Variants in TUBA8 observed in about 807,000 individuals in gnomAD.
TUBA8 encodes tubulin alpha-8 chain.
TUBA8 carries 29 observed loss-of-function variants against 34.7 expected under a neutral mutation model. The observed-to-expected ratio is 0.84, with a 90% CI of 0.62 to 1.14. TUBA8 has a LOEUF of 1.14. Ranked by LOEUF, TUBA8 falls within the 50% of genes most tolerant of loss-of-function variation. The pLI is 0.00. For synonymous variants in TUBA8, 226 were observed against 231.2 expected, an observed-to-expected ratio of 0.98 and a Z score of 0.21; for missense variants, 541 against 599.2, an observed-to-expected ratio of 0.90 and a Z score of 1.01.
Position 18,131,076 on chromosome 22 carries a change from G to A in TUBA8, c.1290G>A (p.Lys430=). The stretch of plus-strand genomic sequence containing the variant: ...GGGAAGACTTAGCTGCCCTGGAGAA[G>A]GATTATGAAGAAGTGGGGACTGATT... ...EAREDLAALE[K]DYEEVGTDSF... Residue 430 remains lysine (K), a synonymous_variant, in exon 5 of 5, where the codon AAG becomes AAA. Transcript: ENST00000330423. The surrounding 1 kb of genome is among the most constrained non-coding windows in gnomAD (Gnocchi z 5.3). 2.5e-6 allele frequency: 4 copies of A among 1,614,208 alleles called. No homozygotes were observed. The highest frequency in any genetic ancestry group is 3.4e-6 in the Non-Finnish European group (4 of 1,180,042).
At chr22:18,116,287 G>A (rs1489816041) in intron 1 of TUBA8, 2 of 152,204 alleles carry the variant, frequency 1.3e-5, no homozygotes, top group South Asian at 2.1e-4. Context: ...TCTGCTATCC[G>A]AACTTGGTCT....
At position 18,124,912 on chromosome 22, in the gene TUBA8, G is replaced by A. The variant is rs1364948404; in HGVS notation, c.375+608G>A. 1 of 152,734 alleles carries A rather than the reference G, an allele frequency of 6.5e-6. No homozygotes were observed. The highest frequency in any genetic ancestry group is 2.4e-5 in the African/African-American group (1 of 41,430). 9.5% of individuals were successfully genotyped at this position (152,734 alleles called of 1,614,324 possible). A position where few individuals can be genotyped will look rare whatever the true frequency, so the allele number is the denominator to read the frequency against. On this transcript the variant is annotated intron_variant, in intron 3 of 4. Coordinates refer to ENST00000330423, the MANE Select transcript of TUBA8 (RefSeq NM_018943.3). The surrounding 1 kb of genome is among the most constrained non-coding windows in gnomAD (Gnocchi z 4.3). ...TATTTAAGCTTCCATTTGCTTATCT[G>A]TATAATGGAAAAGCTTGGACCTGAT... is the stretch of plus-strand genomic sequence containing the variant.
intron 1 of TUBA8, chr22:18,117,073 CTCTG>C (rs1345391090): frequency 6.6e-6 from 1 of 152,252 alleles, no homozygotes; most frequent in African/African-American, 2.4e-5. Context: ...CCTATTCTTT[CTCTG>C]TCTTCTTTAT....
intron 2 of TUBA8, chr22:18,123,850 C>T (rs895876638): frequency 2.6e-6 from 1 of 387,290 alleles, no homozygotes; most frequent in Non-Finnish European, 5.0e-6. Flanking sequence ...GTTAGGATTA[C>T]AGGCGTGAGC....
At position 18,119,323 on chromosome 22, in the gene TUBA8, G is replaced by A. The variant is rs1372044271; in HGVS notation, c.4-2156G>A. On this transcript the variant is annotated intron_variant, in intron 1 of 4. Transcript: ENST00000330423. The surrounding 1 kb of genome is among the most constrained non-coding windows in gnomAD (Gnocchi z 5.9). ...AGAGAATAGACCCCACAATAAAGGAGAGAGGAGCAGGGACCTGAGAGCTCC... is the reference window on the plus strand; with the variant it reads ...AGAGAATAGACCCCACAATAAAGGAAAGAGGAGCAGGGACCTGAGAGCTCC... The A allele has an allele frequency of 1.3e-5, 2 of 152,240 alleles. No individual in the cohort carries two copies. The highest frequency in any genetic ancestry group is 2.9e-5 in the Non-Finnish European group (2 of 68,056). 9.4% of individuals were successfully genotyped at this position (152,240 alleles called of 1,614,324 possible). A position where few individuals can be genotyped will look rare whatever the true frequency, so the allele number is the denominator to read the frequency against.
At position 18,121,409 on chromosome 22, in the gene TUBA8, ATGGGGATGTAGGGCAAAGGCATGC is replaced by A. The variant is rs767387884; in HGVS notation, c.4-64_4-41del. On this transcript the variant is annotated intron_variant, in intron 1 of 4. Coordinates refer to ENST00000330423, the MANE Select transcript of TUBA8 (RefSeq NM_018943.3). The surrounding 1 kb of genome is among the most constrained non-coding windows in gnomAD (Gnocchi z 4.8). ...CTGGCTGGCCTGCAAGGTGAATGTT[ATGGGGATGTAGGGCAAAGGCATGC>A]TGGGGGCCCAGACTCTCTGACCTCG... 7.2e-7 allele frequency: 1 copy of A among 1,393,208 alleles called. No individual in the cohort carries two copies. The allele number at this position is 1,393,208 out of a possible 1,614,324, so 86.3% of individuals were successfully genotyped here. A position where few individuals can be genotyped will look rare whatever the true frequency, so the allele number is the denominator to read the frequency against.
chr22:18,127,087 G>A lies in TUBA8; in HGVS notation c.1056+53G>A, dbSNP rs361776. The A allele has an allele frequency of 0.08, 128,210 of 1,598,698 alleles. 9,750 individuals carry two copies. The highest frequency in any genetic ancestry group is 0.36 in the East Asian group (16,289 of 44,768). On this transcript the variant is annotated intron_variant, in intron 4 of 4. Coordinates refer to ENST00000330423, the MANE Select transcript of TUBA8 (RefSeq NM_018943.3). The stretch of plus-strand genomic sequence containing the variant: ...GAGAGGACTAGAGAAGCAGAGGGAG[G>A]TGACCAAGGATATGCAATTCCATGG...
At position 18,118,128 on chromosome 22, in the gene TUBA8, C is replaced by T. The variant is rs1928032736; in HGVS notation, c.4-3351C>T. 6.6e-6 allele frequency: 1 copy of T among 152,182 alleles called. No individual in the cohort carries two copies. Among genetic ancestry groups the T allele is most frequent in the Admixed American group, 6.5e-5 (1 of 15,276 alleles). 9.4% of individuals were successfully genotyped at this position (152,182 alleles called of 1,614,324 possible). A position where few individuals can be genotyped will look rare whatever the true frequency, so the allele number is the denominator to read the frequency against. Reference sequence around the variant, plus strand: ...GTTACGTCCCCCCTTGTGACTATAACAGTGGTTCTTTGGCTCTCGGCGAAG... The same window carrying T: ...GTTACGTCCCCCCTTGTGACTATAATAGTGGTTCTTTGGCTCTCGGCGAAG... On this transcript the variant is annotated intron_variant, in intron 1 of 4. Transcript: ENST00000330423. This position sits in a 1 kb window ranked among gnomAD's most constrained non-coding sequence, Gnocchi z 4.0.
intron 4 of TUBA8, chr22:18,127,263 A>C: frequency 1.8e-6 from 1 of 542,132 alleles, no homozygotes; most frequent in Non-Finnish European, 3.3e-6. Context: ...TAAATTGATT[A>C]ATTGGTTAAT....
At chr22:18,130,632 G>A in intron 4 of TUBA8, 1 of 593,330 alleles carries the variant, frequency 1.7e-6, no homozygotes, top group Non-Finnish European at 2.9e-6. Flanking sequence ...TTGCTCTGTT[G>A]CCCTGCCTGC....
Position 18,126,597 on chromosome 22 carries a change from GA to G in TUBA8, c.621del (p.Ala208ProfsTer84), listed in dbSNP as rs1928330620. The G allele has an allele frequency of 6.2e-7, 1 of 1,614,114 alleles. No individual in the cohort carries two copies. The highest frequency in any genetic ancestry group is 8.5e-7 in the Non-Finnish European group (1 of 1,180,038). ...HSDCAFMVDN[E>X]AIYDICRRNL... ...AGATTGTGCTTTCATGGTGGACAAC[GA>G]AGCCATCTATGACATCTGCCGCAGG... On this transcript the variant is annotated frameshift_variant, in exon 4 of 5. Transcript: ENST00000330423. LOFTEE classifies it high-confidence loss of function. This position sits in a 1 kb window ranked among gnomAD's most constrained non-coding sequence, Gnocchi z 4.0.
intron 4 of TUBA8, chr22:18,130,351 C>G (rs1928454896): frequency 5.9e-6 from 1 of 170,436 alleles, no homozygotes; most frequent in African/African-American, 2.4e-5. Context: ...TGCCTACTTG[C>G]TGAGCCCCCT....
chr22:18,126,140 G>T lies in TUBA8; in HGVS notation c.376-214G>T. On this transcript the variant is annotated intron_variant, in intron 3 of 4. Transcript: ENST00000330423. The surrounding 1 kb of genome is among the most constrained non-coding windows in gnomAD (Gnocchi z 4.0). The stretch of plus-strand genomic sequence containing the variant: ...AGCTTCCCAAACTGCTGGGATTACA[G>T]GCATTGAGTCACTGTGCCTGGCCCC... The T allele has an allele frequency of 1.7e-6, 1 of 586,424 alleles. No homozygotes were observed. Among genetic ancestry groups the T allele is most frequent in the Non-Finnish European group, 3.0e-6 (1 of 330,926 alleles). 36.3% of individuals were successfully genotyped at this position (586,424 alleles called of 1,614,324 possible).
At chr22:18,117,250 T>G (rs907697909) in intron 1 of TUBA8, 2 of 152,222 alleles carry the variant, frequency 1.3e-5, no homozygotes, top group Non-Finnish European at 2.9e-5. Context: ...CATGACATTT[T>G]ACCTCTAAAT....
chr22:18,127,389 G>GTTTTTTTTTTTTT (rs1467174410), intron 4 of TUBA8: 1 of 173,894 alleles, frequency 5.8e-6, no homozygotes, highest in African/African-American at 2.5e-5. Context: ...CCTAACGTTA[G>GTTTTTTTTTTTTT]TTTTGTTTTT....
chr22:18,127,011 G>A lies in TUBA8; in HGVS notation c.1033G>A (p.Asp345Asn), dbSNP rs1053303217. The change falls in exon 4 of 5, where the codon GAC becomes AAC. Residue 345 changes from aspartate to asparagine, a missense_variant. Transcript: ENST00000330423. ...IKTKRTIQFV[D>N]WCPTGFKVGI... ...GACCAAGAGGACCATCCAGTTTGTA[G>A]ACTGGTGTCCCACAGGCTTCAAGGT... 6.2e-6 allele frequency: 10 copies of A among 1,614,154 alleles called. No homozygotes were observed. Among genetic ancestry groups the A allele is most frequent in the Non-Finnish European group, 8.5e-6 (10 of 1,180,030 alleles).
chr22:18,124,601 C>T lies in TUBA8; in HGVS notation c.375+297C>T, dbSNP rs930756650. 3.2e-5 allele frequency: 10 copies of T among 317,276 alleles called. No individual in the cohort carries two copies. Among genetic ancestry groups the T allele is most frequent in the East Asian group, 2.6e-4 (5 of 19,070 alleles). 19.7% of individuals were successfully genotyped at this position (317,276 alleles called of 1,614,324 possible). On this transcript the variant is annotated intron_variant, in intron 3 of 4. Transcript: ENST00000330423. This position sits in a 1 kb window ranked among gnomAD's most constrained non-coding sequence, Gnocchi z 4.3. ...AAGGCAGGATGAGGTCTCTGCTGGT[C>T]GGAAACACAGGTTAACAAAGCATTT... is the stretch of plus-strand genomic sequence containing the variant.
chr22:18,127,144 G>A, intron 4 of TUBA8, 110 bp downstream of exon 4: 1 of 1,122,470 alleles, frequency 8.9e-7, no homozygotes, highest in South Asian at 1.4e-5. Context: ...GATAAGGGGA[G>A]GGGGACTTCA....
At chr22:18,125,344 T>G (rs1033463002) in intron 3 of TUBA8, 1 of 151,846 alleles carries the variant, frequency 6.6e-6, no homozygotes, top group Non-Finnish European at 1.5e-5. Context: ...TAAAACCCCA[T>G]CTTTACTAAA....
Sources: gnomAD v4.1 joint callset for allele counts on GRCh38, gnomAD v4.1.1 for gene constraint, Gnocchi (gnomAD v3.1) non-coding constraint, MANE v1.5 for transcripts, NCBI Gene and HGNC (gene_info 2026-07-23, HGNC 2026-07-21) for gene names.